EPHA6: variants seen among roughly 807,000 people sequenced by gnomAD.
The protein encoded by EPHA6 is EPH receptor A6.
EPHA6 carries 50 observed loss-of-function variants against 112.0 expected under a neutral mutation model. That is an observed-to-expected ratio of 0.45 (90% CI 0.36 to 0.56). The LOEUF is 0.56. EPHA6 is among the 20% of genes least tolerant of loss of function. The probability of loss-of-function intolerance (pLI) is 0.00; values close to 1 mark genes in which losing one functional copy is unlikely to be tolerated. For missense variants in EPHA6, 1,280 were observed against 1,417.4 expected (o/e 0.90, Z 1.56); for synonymous variants, 529 against 490.7 (o/e 1.08, Z -1.03).
At chr3:96,898,471 G>A (rs183306432) in intron 2 of EPHA6, among the ~76,000 whole-genome samples, 430 of 152,146 alleles carry the variant, frequency 2.8e-3, no homozygotes, top group Non-Finnish European at 4.1e-3. Context: ...TGTCTGACCT[G>A]GGAGTCAAAA....
chr3:97,644,659 C>G (rs1402054023), intron 14 of EPHA6, among the ~76,000 whole-genome samples: 3 of 150,862 alleles, frequency 2.0e-5, no homozygotes, highest in Admixed American at 6.6e-5. Context: ...ACTACAAACA[C>G]CTCTACGCAA....
intron 1 of EPHA6, among the ~76,000 whole-genome samples, chr3:96,820,413 T>C (rs940606728): frequency 6.6e-6 from 1 of 151,850 alleles, no homozygotes; most frequent in Non-Finnish European, 1.5e-5. Flanking sequence ...CCGGGCAAGA[T>C]GTATGGTGGC....
intron 5 of EPHA6, among the ~76,000 whole-genome samples, chr3:97,295,285 T>C (rs2080834568): frequency 6.6e-6 from 1 of 152,136 alleles, no homozygotes; most frequent in Non-Finnish European, 1.5e-5. Flanking sequence ...CTTCCTTTTT[T>C]GTCTGACATA....
chr3:97,735,357 G>T (rs1213341302), intron 15 of EPHA6, among the ~76,000 whole-genome samples: 1 of 152,000 alleles, frequency 6.6e-6, no homozygotes, highest in Non-Finnish European at 1.5e-5. Flanking sequence ...GGAGGTATAG[G>T]AGTATGACTT....
At chr3:97,395,893 G>A (rs890582413) in intron 5 of EPHA6, among the ~76,000 whole-genome samples, 5 of 151,720 alleles carry the variant, frequency 3.3e-5, no homozygotes, top group African/African-American at 1.2e-4. Flanking sequence ...TGATAGATGA[G>A]GGAAGGTGGA....
chr3:97,598,835 C>A (rs989722968), intron 12 of EPHA6, among the ~76,000 whole-genome samples: 2 of 151,832 alleles, frequency 1.3e-5, no homozygotes, highest in Non-Finnish European at 2.9e-5. Flanking sequence ...CCTGAAGAAT[C>A]GCCACACTGA....
Position 97,750,523 on chromosome 3 carries a change from A to T in EPHA6, c.*1822A>T, listed in dbSNP as rs948904801. Among the ~76,000 whole-genome samples, 3 of 151,774 alleles carry T rather than the reference A, an allele frequency of 2.0e-5. No homozygotes were observed. In the East Asian group the frequency reaches 5.8e-4, roughly 29 times the overall value. ...AGGCGCCTGCCACCACTCCCGGCTA[A>T]TTTTTGTATTTTTAGTAGAGACGGG... On this transcript the variant is annotated 3_prime_UTR_variant, in exon 18 of 18. Transcript: ENST00000389672.
chr3:97,304,077 T>C (rs2081207991), intron 5 of EPHA6, among the ~76,000 whole-genome samples: 1 of 152,020 alleles, frequency 6.6e-6, no homozygotes, highest in Non-Finnish European at 1.5e-5. Context: ...GCTTGTGATT[T>C]TTCCACATTG....
At chr3:97,127,928 A>G (rs1218281468) in intron 3 of EPHA6, among the ~76,000 whole-genome samples, 2 of 151,734 alleles carry the variant, frequency 1.3e-5, no homozygotes, top group African/African-American at 4.8e-5. Flanking sequence ...ACATAGATGT[A>G]CAGACATGAA....
At chr3:97,311,442 T>TCTCACACA (rs142355083) in intron 5 of EPHA6, among the ~76,000 whole-genome samples, 5 of 144,058 alleles carry the variant, frequency 3.5e-5, no homozygotes, top group African/African-American at 1.3e-4. Flanking sequence ...GATTACACTT[T>TCTCACACA]CACACACACA....
chr3:97,254,858 A>G (rs189624192), intron 5 of EPHA6, among the ~76,000 whole-genome samples: 308 of 152,302 alleles, frequency 2.0e-3, no homozygotes, highest in Middle Eastern at 6.8e-3. Context: ...ATTTAAGAGG[A>G]AAACAGAAAA....
chr3:97,390,775 G>A (rs1325083662), intron 5 of EPHA6, among the ~76,000 whole-genome samples: 1 of 151,958 alleles, frequency 6.6e-6, no homozygotes, highest in Non-Finnish European at 1.5e-5. Flanking sequence ...CTAGGAAAAG[G>A]AGATGACAGT....
chr3:97,185,198 A>G (rs1340763439), intron 3 of EPHA6, among the ~76,000 whole-genome samples: 1 of 152,236 alleles, frequency 6.6e-6, no homozygotes, highest in African/African-American at 2.4e-5. Context: ...TGGCAACAGA[A>G]GCCAAAATTG....
intron 9 of EPHA6, among the ~76,000 whole-genome samples, chr3:97,483,634 G>T (rs2091618083): frequency 6.6e-6 from 1 of 152,144 alleles, no homozygotes; most frequent in Non-Finnish European, 1.5e-5. Flanking sequence ...GGAATGTTTT[G>T]GAAGCATAGT....
intron 17 of EPHA6, among the ~76,000 whole-genome samples, chr3:97,748,165 G>A (rs1223046460): frequency 2.0e-5 from 3 of 151,952 alleles, no homozygotes; most frequent in South Asian, 2.1e-4. Flanking sequence ...GAAATCAAAC[G>A]GAGTTCATAT....
chr3:96,954,783 T>G (rs1020139888), intron 2 of EPHA6, among the ~76,000 whole-genome samples: 2 of 105,542 alleles, frequency 1.9e-5, no homozygotes, highest in Non-Finnish European at 3.6e-5. Context: ...CTTTTTTTTT[T>G]TTTTTTTTTT....
At chr3:97,192,905 C>T (rs142493533) in intron 3 of EPHA6, among the ~76,000 whole-genome samples, 2 of 152,188 alleles carry the variant, frequency 1.3e-5, no homozygotes, top group African/African-American at 2.4e-5. Context: ...TGACCTTTCC[C>T]CAATGTGGGT....
chr3:97,182,768 T>G (rs2077025552), intron 3 of EPHA6, among the ~76,000 whole-genome samples: 1 of 152,242 alleles, frequency 6.6e-6, no homozygotes, highest in East Asian at 1.9e-4. Flanking sequence ...TCACACATAG[T>G]TTCATAAGAG....
chr3:97,036,326 AT>A (rs565529775), intron 3 of EPHA6, among the ~76,000 whole-genome samples: 159 of 152,208 alleles, frequency 1.0e-3, no homozygotes, highest in Non-Finnish European at 2.0e-3. Context: ...AGAGGACTAA[AT>A]ATGAAAATGC....
Sources: gnomAD v4.1 joint callset for allele counts (sites outside exome capture counted in the v4.1 genomes callset) on GRCh38, gnomAD v4.1.1 for gene constraint, MANE v1.5 for transcripts, NCBI Gene and HGNC (gene_info 2026-07-23, HGNC 2026-07-21) for gene names.